VPS37A: variants seen among roughly 807,000 people sequenced by gnomAD.
VPS37A encodes VPS37A subunit of ESCRT-I.
A neutral mutation model predicts 49.8 loss-of-function variants in VPS37A; 30 were observed. The observed-to-expected ratio is 0.60, with a 90% CI of 0.45 to 0.82. The LOEUF is 0.82. VPS37A is among the 40% of genes least tolerant of loss of function. The pLI, the probability that VPS37A is intolerant of heterozygous loss-of-function variation, is 0.00. For synonymous variants in VPS37A, 195 were observed against 160.6 expected (o/e 1.21, Z -1.62); for missense variants, 593 against 464.4 (o/e 1.28, Z -2.55).
chr8:17,253,237 G>T (rs996213604), intron 1 of VPS37A, among the ~76,000 whole-genome samples: 20 of 152,228 alleles, frequency 1.3e-4, no homozygotes, highest in African/African-American at 4.8e-4. Flanking sequence ...CACCTAAGCC[G>T]AAAACCTGTG....
At position 17,268,906 on chromosome 8, in the gene VPS37A, G is replaced by A; in HGVS notation, c.366G>A (p.Glu122=). The A allele has an allele frequency of 1.2e-6, 2 of 1,610,864 alleles. No homozygotes were observed. The highest frequency in any genetic ancestry group is 2.2e-5 in the East Asian group (1 of 44,646). The change falls in exon 4 of 12, where the codon GAG becomes GAA. Residue 122 remains glutamate (E), a synonymous_variant. Coordinates refer to ENST00000324849, the MANE Select transcript of VPS37A (RefSeq NM_152415.3). ...AAATTATTCAGAGTCTGTTGGATGAGTTTTGGAAGAATCCTCCAGTTTTAG... is the reference window on the plus strand; with the variant it reads ...AAATTATTCAGAGTCTGTTGGATGAATTTTGGAAGAATCCTCCAGTTTTAG... ...LGKIIQSLLD[E]FWKNPPVLAP...
chr8:17,262,822 G>A (rs1813081609), intron 1 of VPS37A, among the ~76,000 whole-genome samples: 1 of 152,004 alleles, frequency 6.6e-6, no homozygotes, highest in African/African-American at 2.4e-5. Context: ...TAGCACTTTG[G>A]GAGGCCGAGG....
chr8:17,261,160 T>C (rs1812926431), intron 1 of VPS37A, among the ~76,000 whole-genome samples: 1 of 152,310 alleles, frequency 6.6e-6, no homozygotes, highest in African/African-American at 2.4e-5. Flanking sequence ...TTCATTTCTT[T>C]TCAGTCTTTT....
intron 1 of VPS37A, among the ~76,000 whole-genome samples, chr8:17,263,183 G>C (rs926358772): frequency 1.3e-5 from 2 of 151,914 alleles, no homozygotes; most frequent in African/African-American, 4.8e-5. Flanking sequence ...TATTTTAAAT[G>C]AGGCTATGAA....
At chr8:17,319,383 G>C in the VPS37A span, among the ~76,000 whole-genome samples, 1 of 152,214 alleles carries the variant, frequency 6.6e-6, no homozygotes, top group African/African-American at 2.4e-5. Flanking sequence ...TCCAGCAGGG[G>C]TGTCCTGGGA....
chr8:17,291,507 C>G (rs1292956689), intron 11 of VPS37A, among the ~76,000 whole-genome samples: 1 of 133,722 alleles, frequency 7.5e-6, no homozygotes, highest in Admixed American at 8.2e-5. Flanking sequence ...TATTTCTTGT[C>G]TTCTGCTAGC....
At chr8:17,248,052 G>T in intron 1 of VPS37A, 2 of 444,938 alleles carry the variant, frequency 4.5e-6, no homozygotes, top group South Asian at 4.4e-5. Context: ...ATCATGGTCA[G>T]TTTAGAAATA....
the VPS37A span, among the ~76,000 whole-genome samples, chr8:17,332,229 A>G: frequency 1.3e-5 from 2 of 151,548 alleles, no homozygotes; most frequent in African/African-American, 4.9e-5. Flanking sequence ...CCAGAAAAAA[A>G]TATCTGCTTT....
chr8:17,272,968 T>G (rs1814141538), intron 4 of VPS37A, among the ~76,000 whole-genome samples: 1 of 151,222 alleles, frequency 6.6e-6, no homozygotes, highest in Non-Finnish European at 1.5e-5. Context: ...AGAAAATATA[T>G]ATAGTATTGT....
At chr8:17,252,099 A>G (rs1459389807) in intron 1 of VPS37A, among the ~76,000 whole-genome samples, 7 of 152,214 alleles carry the variant, frequency 4.6e-5, no homozygotes, top group Admixed American at 2.6e-4. Context: ...CGCATGTTAT[A>G]TATTTTTATG....
chr8:17,332,484 G>A, the VPS37A span, among the ~76,000 whole-genome samples: 414 of 152,294 alleles, frequency 2.7e-3, 5 homozygotes, highest in Middle Eastern at 0.024. Flanking sequence ...GACCAAGAAG[G>A]AGGGCACAGA....
At chr8:17,290,834 T>TA (rs1816072657) in intron 11 of VPS37A, among the ~76,000 whole-genome samples, 1 of 152,230 alleles carries the variant, frequency 6.6e-6, no homozygotes, top group African/African-American at 2.4e-5. Flanking sequence ...GGTGAGCTAT[T>TA]ACTGCCTCGG....
Position 17,247,303 on chromosome 8 carries a change from G to A in VPS37A, c.59G>A (p.Gly20Asp). The change falls in exon 1 of 12, where the codon GGT (glycine) becomes GAT (aspartate). Residue 20 changes from glycine to aspartate, a missense_variant. Gly to Asp is a moderately conservative substitution (Grantham distance 94). Transcript: ENST00000324849. ...SASSSAAGSP[G>D]GLTSLQQQKQ... Reference sequence around the variant, plus strand: ...TCCTCCTCCGCGGCTGGGTCCCCCGGTGGCCTCACCAGCCTCCAGCAGCAG... The same window carrying A: ...TCCTCCTCCGCGGCTGGGTCCCCCGATGGCCTCACCAGCCTCCAGCAGCAG... 2 of 1,565,020 alleles carry A rather than the reference G, an allele frequency of 1.3e-6. No homozygotes were observed. Among genetic ancestry groups the A allele is most frequent in the African/African-American group, 1.4e-5 (1 of 73,716 alleles).
intron 4 of VPS37A, among the ~76,000 whole-genome samples, chr8:17,269,160 C>T (rs192014813): frequency 7.9e-5 from 12 of 152,204 alleles, no homozygotes; most frequent in East Asian, 1.9e-4. Context: ...ATAATGTATG[C>T]GTACTTCTAT....
downstream of VPS37A, among the ~76,000 whole-genome samples, chr8:17,305,120 G>C (rs1324740745): frequency 1.3e-5 from 2 of 151,996 alleles, no homozygotes; most frequent in African/African-American, 4.8e-5. Context: ...AAACAAACTA[G>C]TATCCACTAC....
intron 10 of VPS37A, 106 bp downstream of exon 10, chr8:17,284,722 C>A: frequency 7.5e-7 from 1 of 1,325,678 alleles, no homozygotes; most frequent in Non-Finnish European, 1.0e-6. Flanking sequence ...TGATATCATC[C>A]CCCTTTTTTT....
chr8:17,248,280 T>TTTTTGG, intron 1 of VPS37A: 1 of 413,178 alleles, frequency 2.4e-6, no homozygotes, highest in African/African-American at 2.2e-5. Context: ...TTTTTTTTTT[T>TTTTTGG]GCCGGGGGTA....
At chr8:17,308,452 G>C in the VPS37A span, among the ~76,000 whole-genome samples, 1 of 152,198 alleles carries the variant, frequency 6.6e-6, no homozygotes, top group Non-Finnish European at 1.5e-5. Context: ...CACAGAATTA[G>C]TGATCAATTA....
At position 17,266,094 on chromosome 8, in the gene VPS37A, T is replaced by C. The variant is rs565375984; in HGVS notation, c.200+113T>C. 40 of 896,638 alleles carry C rather than the reference T, an allele frequency of 4.5e-5. No individual in the cohort carries two copies. In the South Asian group the frequency reaches 6.4e-4, roughly 14 times the overall value. The allele number at this position is 896,638 out of a possible 1,614,324, so 55.5% of individuals were successfully genotyped here. On this transcript the variant is annotated intron_variant, in intron 2 of 11. Transcript: ENST00000324849. ...GTGAACTTATTTCAAGTAACTATAA[T>C]TTATAAAATAGTGCACAATTCAGTG...
Sources: allele counts gnomAD v4.1 joint callset (sites outside exome capture counted in the v4.1 genomes callset), GRCh38; gene constraint gnomAD v4.1.1; transcripts MANE v1.5; gene names NCBI Gene and HGNC (gene_info 2026-07-23, HGNC 2026-07-21).